Variants in KMT5A observed in about 807,000 individuals in gnomAD.
KMT5A encodes N-lysine methyltransferase KMT5A.
KMT5A carries 6 observed loss-of-function variants against 40.6 expected under a neutral mutation model. The observed-to-expected ratio is 0.15, with a 90% CI of 0.08 to 0.29. The LOEUF (loss-of-function observed/expected upper bound fraction) is 0.29. Among genes scored for constraint, KMT5A ranks in the 10% least tolerant of loss-of-function variants. The pLI, the probability that KMT5A is intolerant of heterozygous loss-of-function variation, is 1.00. For synonymous variants in KMT5A, 153 were observed against 178.8 expected, an observed-to-expected ratio of 0.86 and a Z score of 1.15; for missense variants, 308 against 459.1, an observed-to-expected ratio of 0.67 and a Z score of 3.01.
At chr12:123,400,680 A>G (rs1042376897) in intron 5 of KMT5A, among the ~76,000 whole-genome samples, 1 of 151,998 alleles carries the variant, frequency 6.6e-6, no homozygotes, top group Non-Finnish European at 1.5e-5. Flanking sequence ...TTTTATAGAA[A>G]AGTTGCAAAG....
intron 3 of KMT5A, 196 bp downstream of exon 3, chr12:123,390,982 C>T (rs1177999617): frequency 1.5e-5 from 9 of 592,070 alleles, no homozygotes; most frequent in Non-Finnish European, 2.6e-5. Flanking sequence ...CAGGTTTTCC[C>T]TGCTTTCACA....
chr12:123,387,913 A>G (rs992602096), intron 1 of KMT5A, among the ~76,000 whole-genome samples: 4 of 152,242 alleles, frequency 2.6e-5, no homozygotes, highest in Non-Finnish European at 5.9e-5. Context: ...ATGCAGGGAA[A>G]TAAGTCCAGC....
intron 3 of KMT5A, among the ~76,000 whole-genome samples, chr12:123,394,553 C>G (rs1877552628): frequency 6.6e-6 from 1 of 152,322 alleles, no homozygotes; most frequent in African/African-American, 2.4e-5. Flanking sequence ...CTGAGAACTG[C>G]TGTGAACCTG....
intron 4 of KMT5A, among the ~76,000 whole-genome samples, 165 bp downstream of exon 4, chr12:123,395,431 C>A (rs1025053119): frequency 1.3e-5 from 2 of 152,176 alleles, no homozygotes; most frequent in African/African-American, 4.8e-5. Flanking sequence ...CACTGTTTGT[C>A]AGTTTCTGGA....
chr12:123,399,673 C>G (rs1315367203), intron 5 of KMT5A, among the ~76,000 whole-genome samples: 3 of 152,142 alleles, frequency 2.0e-5, no homozygotes, highest in Non-Finnish European at 4.4e-5. Context: ...GTAAACTAGA[C>G]CAGCCCGTAG....
At chr12:123,392,718 C>A (rs1230343510) in intron 3 of KMT5A, among the ~76,000 whole-genome samples, 1 of 152,052 alleles carries the variant, frequency 6.6e-6, no homozygotes, top group Non-Finnish European at 1.5e-5. Context: ...CCCCAAGGTC[C>A]AGGCTGTGGT....
At chr12:123,395,860 A>G (rs1877683569) in intron 4 of KMT5A, among the ~76,000 whole-genome samples, 1 of 150,212 alleles carries the variant, frequency 6.7e-6, no homozygotes, top group East Asian at 2.0e-4. Flanking sequence ...ACCATGCCCG[A>G]CTGTTGTGTT....
intron 5 of KMT5A, among the ~76,000 whole-genome samples, chr12:123,401,020 C>A (rs1315482989): frequency 6.6e-6 from 1 of 151,710 alleles, no homozygotes; most frequent in Non-Finnish European, 1.5e-5. Flanking sequence ...GTCTCGAACT[C>A]CTGACCTCAG....
At position 123,408,566 on chromosome 12, in the gene KMT5A, C is replaced by CTTTTTTTTTTTTTTTTTTTTTTT. The variant is rs57847836; in HGVS notation, c.*883_*884insTTTTTTTTTTTTTTTTTTTTTTT. The stretch of plus-strand genomic sequence containing the variant: ...GGTCTTGAAGTGAGTGAAGTGGCTG[C>CTTTTTTTTTTTTTTTTTTTTTTT]TTTTTTTTTTTTTTTTTTTTGCTTT... On this transcript the variant is annotated 3_prime_UTR_variant, in exon 8 of 8. Coordinates refer to ENST00000402868, the MANE Select transcript of KMT5A (RefSeq NM_020382.7). The CTTTTTTTTTTTTTTTTTTTTTTT allele has an allele frequency of 2.2e-5, 2 of 91,882 alleles. 1 individual carries two copies. The allele number at this position is 91,882 out of a possible 1,614,324, so 5.7% of individuals were successfully genotyped here.
chr12:123,387,149 G>C (rs1876921931), intron 1 of KMT5A, among the ~76,000 whole-genome samples: 1 of 152,172 alleles, frequency 6.6e-6, no homozygotes, highest in Non-Finnish European at 1.5e-5. Flanking sequence ...GAGCCACTGC[G>C]CCCAGCTGGT....
chr12:123,389,975 A>AACCGCCCC, intron 2 of KMT5A: 1 of 447,848 alleles, frequency 2.2e-6, no homozygotes, highest in South Asian at 1.6e-5. Flanking sequence ...CAGTGACCTG[A>AACCGCCCC]ACCGCCCCAC....
At chr12:123,390,157 C>T in intron 2 of KMT5A, 1 of 465,550 alleles carries the variant, frequency 2.1e-6, no homozygotes. Context: ...AGGGGTCAGG[C>T]TCCGGCGCTC....
chr12:123,390,558 TTCC>T (rs752539569), intron 2 of KMT5A, 69 bp from the exon 3 acceptor site: 2 of 1,546,584 alleles, frequency 1.3e-6, no homozygotes, highest in African/African-American at 1.4e-5. Context: ...ATCTTTTGTA[TTCC>T]TCCTCCTCGT....
At chr12:123,390,288 C>G in intron 2 of KMT5A, 1 of 385,810 alleles carries the variant, frequency 2.6e-6, no homozygotes, top group Non-Finnish European at 5.0e-6. Flanking sequence ...CAGTGAACTC[C>G]TAAAGATAGC....
chr12:123,389,534 G>C lies in KMT5A; in HGVS notation c.112G>C (p.Gly38Arg). 6 of 1,105,394 alleles carry C rather than the reference G, an allele frequency of 5.4e-6. No individual in the cohort carries two copies. The highest frequency in any genetic ancestry group is 6.6e-6 in the Non-Finnish European group (6 of 910,214). 68.5% of individuals were successfully genotyped at this position (1,105,394 alleles called of 1,614,324 possible). Residue 38 changes from glycine to arginine, a missense_variant, in exon 2 of 8, where the codon GGG becomes CGG. Physicochemically the swap from Gly to Arg is moderately radical, Grantham distance 125. This residue lies in a region of KMT5A where 92 missense variants were observed against 78.3 expected (regional missense o/e 1.18). Transcript: ENST00000402868. ...GPEMVERRGP[G>R]RPRTDGENVF... Reference sequence around the variant, plus strand: ...GGAGATGGTGGAGCGGAGGGGCCCGGGGAGGCCCCGCACCGACGGGGTAAG... The same window carrying C: ...GGAGATGGTGGAGCGGAGGGGCCCGCGGAGGCCCCGCACCGACGGGGTAAG...
rs1470829529 is a variant in KMT5A, at chr12:123,403,930, CCTGT to C, written c.657+301_657+304del. ...TTCACAATGCAATGCAACCATTATCCCTGTCTAATTTCAGAATTTTTTCATCCTC... is the reference window on the plus strand; with the variant it reads ...TTCACAATGCAATGCAACCATTATCCCTAATTTCAGAATTTTTTCATCCTC... On this transcript the variant is annotated intron_variant, in intron 6 of 7. Coordinates refer to ENST00000402868, the MANE Select transcript of KMT5A (RefSeq NM_020382.7). Among the ~76,000 whole-genome samples, 8 of 152,198 alleles carry C rather than the reference CCTGT, an allele frequency of 5.3e-5. No individual in the cohort carries two copies. In the East Asian group the frequency reaches 1.3e-3, roughly 26 times the overall value.
chr12:123,406,627 T>C (rs921310578), intron 7 of KMT5A, among the ~76,000 whole-genome samples: 12 of 152,198 alleles, frequency 7.9e-5, no homozygotes, highest in Admixed American at 6.5e-5. Context: ...TTGATTTTTT[T>C]AATCCATTTA....
chr12:123,406,627 T>A (rs921310578), intron 7 of KMT5A, among the ~76,000 whole-genome samples: 2 of 152,198 alleles, frequency 1.3e-5, no homozygotes, highest in Admixed American at 6.5e-5. Context: ...TTGATTTTTT[T>A]AATCCATTTA....
intron 7 of KMT5A, among the ~76,000 whole-genome samples, chr12:123,405,810 C>CAG: frequency 6.6e-6 from 1 of 151,286 alleles, no homozygotes; most frequent in African/African-American, 2.4e-5. Flanking sequence ...CTGCGCCTGG[C>CAG]CCCAGCTTCC....
Sources: allele counts gnomAD v4.1 joint callset (sites outside exome capture counted in the v4.1 genomes callset), GRCh38; gene constraint gnomAD v4.1.1; regional missense constraint gnomAD v4.1.1; transcripts MANE v1.5; gene names NCBI Gene and HGNC (gene_info 2026-07-23, HGNC 2026-07-21).